Variants in CFAP90 observed in about 807,000 individuals in gnomAD.
CFAP90 encodes the protein cilia and flagella associated protein 90.
chr5:7,839,775 C>T, the CFAP90 span, among the ~76,000 whole-genome samples: 1 of 152,056 alleles, frequency 6.6e-6, no homozygotes, highest in Non-Finnish European at 1.5e-5. Context: ...TCTTAGGAAG[C>T]TTATTTTTGT....
chr5:7,847,573 CTA>C, the CFAP90 span, among the ~76,000 whole-genome samples: 1 of 152,156 alleles, frequency 6.6e-6, no homozygotes, highest in Non-Finnish European at 1.5e-5. Context: ...AGGTGTGAGA[CTA>C]TGTTCTAGGA....
chr5:7,834,378 T>C, the CFAP90 span, among the ~76,000 whole-genome samples: 1 of 152,214 alleles, frequency 6.6e-6, no homozygotes, highest in African/African-American at 2.4e-5. Context: ...AATGTGTGTT[T>C]TAAGCTAAGC....
chr5:7,833,326 C>T, the CFAP90 span, among the ~76,000 whole-genome samples: 1 of 151,518 alleles, frequency 6.6e-6, no homozygotes, highest in Non-Finnish European at 1.5e-5. Flanking sequence ...TACATGCATA[C>T]AATATACACA....
the CFAP90 span, among the ~76,000 whole-genome samples, chr5:7,850,677 C>T: frequency 2.0e-5 from 3 of 149,542 alleles, no homozygotes; most frequent in African/African-American, 7.4e-5. Flanking sequence ...GCCCCTTTCC[C>T]TAAGGTGAAC....
chr5:7,831,986 C>T, the CFAP90 span: 3 of 1,613,336 alleles, frequency 1.9e-6, no homozygotes, highest in African/African-American at 2.7e-5. Context: ...GATGCGCTTC[C>T]CATAGACAGA....
chr5:7,836,535 C>T, the CFAP90 span, among the ~76,000 whole-genome samples: 1 of 152,156 alleles, frequency 6.6e-6, no homozygotes, highest in Admixed American at 6.5e-5. Flanking sequence ...CTTGTATAGC[C>T]TTCTTCATAC....
At chr5:7,841,130 C>T in the CFAP90 span, among the ~76,000 whole-genome samples, 1 of 151,662 alleles carries the variant, frequency 6.6e-6, no homozygotes, top group African/African-American at 2.4e-5. Flanking sequence ...CTACAAGAAA[C>T]AAATTTACAA....
At chr5:7,838,449 T>C in the CFAP90 span, among the ~76,000 whole-genome samples, 1 of 152,218 alleles carries the variant, frequency 6.6e-6, no homozygotes, top group South Asian at 2.1e-4. Flanking sequence ...GCAAACATTT[T>C]TGGGATGGGC....
chr5:7,834,462 G>C, the CFAP90 span, among the ~76,000 whole-genome samples: 2 of 152,030 alleles, frequency 1.3e-5, no homozygotes, highest in African/African-American at 4.8e-5. Context: ...GTAAGCTAAG[G>C]TTCATTTATT....
At chr5:7,840,970 G>T in the CFAP90 span, among the ~76,000 whole-genome samples, 1 of 152,072 alleles carries the variant, frequency 6.6e-6, no homozygotes, top group African/African-American at 2.4e-5. Context: ...CGGCTGAATT[G>T]CAACAAAGCA....
At chr5:7,838,733 G>A in the CFAP90 span, among the ~76,000 whole-genome samples, 7 of 152,288 alleles carry the variant, frequency 4.6e-5, no homozygotes, top group East Asian at 1.2e-3. Context: ...TGTTCCATGC[G>A]TTTTGGGGAG....
chr5:7,844,215 G>A, the CFAP90 span, among the ~76,000 whole-genome samples: 1 of 152,136 alleles, frequency 6.6e-6, no homozygotes, highest in Non-Finnish European at 1.5e-5. Flanking sequence ...CAGGTCACTG[G>A]AGAGTGAAAA....
the CFAP90 span, among the ~76,000 whole-genome samples, chr5:7,850,137 C>A: frequency 1.3e-5 from 2 of 152,156 alleles, no homozygotes; most frequent in Non-Finnish European, 2.9e-5. Context: ...TTCGCGCACC[C>A]GGCTTCTCCC....
the CFAP90 span, among the ~76,000 whole-genome samples, chr5:7,839,787 C>T: frequency 4.7e-4 from 72 of 152,174 alleles, 2 homozygotes; most frequent in East Asian, 0.011. Flanking sequence ...TATTTTTGTG[C>T]AGATTTTGCA....
chr5:7,835,650 C>A, the CFAP90 span: 18 of 577,686 alleles, frequency 3.1e-5, no homozygotes, highest in South Asian at 3.4e-4. Flanking sequence ...CAAGCAGAAC[C>A]AGCTGTGACG....
chr5:7,842,137 C>T, the CFAP90 span, among the ~76,000 whole-genome samples: 1 of 151,922 alleles, frequency 6.6e-6, no homozygotes, highest in Admixed American at 6.6e-5. Flanking sequence ...CATCGTGCCC[C>T]ATGACTCCTC....
chr5:7,847,985 A>G, the CFAP90 span, among the ~76,000 whole-genome samples: 5 of 152,210 alleles, frequency 3.3e-5, no homozygotes, highest in Non-Finnish European at 7.3e-5. Context: ...TCCTTTCAAC[A>G]TAACAGCATA....
chr5:7,837,288 T>C, the CFAP90 span, among the ~76,000 whole-genome samples: 1 of 152,184 alleles, frequency 6.6e-6, no homozygotes. Context: ...ATGTGTTAGC[T>C]GGTCTTTAAT....
the CFAP90 span, chr5:7,835,558 C>T: frequency 1.0e-5 from 10 of 961,934 alleles, no homozygotes; most frequent in African/African-American, 6.5e-5. Flanking sequence ...CATTGAGGCC[C>T]GATGGAGCAC....
Sources: allele counts gnomAD v4.1 joint callset (sites outside exome capture counted in the v4.1 genomes callset), GRCh38; gene constraint gnomAD v4.1.1; transcripts MANE v1.5; gene names NCBI Gene and HGNC (gene_info 2026-07-23, HGNC 2026-07-21).